STK32A: variants seen among roughly 807,000 people sequenced by gnomAD.
The protein encoded by STK32A is serine/threonine kinase 32A.
STK32A carries 41 observed loss-of-function variants against 53.2 expected under a neutral mutation model. That is an observed-to-expected ratio of 0.77 (90% CI 0.60 to 1.00). The LOEUF is 1.00. Among genes scored for constraint, STK32A ranks in the 50% least tolerant of loss-of-function variants. The pLI is 0.00. For synonymous variants in STK32A, 166 were observed against 162.8 expected (o/e 1.02, Z -0.15); for missense variants, 458 against 485.8 (o/e 0.94, Z 0.54).
At chr5:147,248,144 G>A (rs1002709530) in intron 2 of STK32A, among the ~76,000 whole-genome samples, 10 of 147,516 alleles carry the variant, frequency 6.8e-5, no homozygotes, top group African/African-American at 2.5e-4. Flanking sequence ...AAAAAAAAGT[G>A]TAAAAACCAT....
chr5:147,279,364 C>T lies in STK32A; in HGVS notation c.226C>T (p.Gln76Ter), dbSNP rs1360454104. ...TGTCTTCAAGGAACTCCAGATCATGCAGGGTCTGGAGCACCCTTTCCTGGT... is the reference window on the plus strand; with the variant it reads ...TGTCTTCAAGGAACTCCAGATCATGTAGGGTCTGGAGCACCCTTTCCTGGT... ...RNVFKELQIM[Q>*]GLEHPFLVNL... Residue 76 changes from glutamine (Q) to a stop codon, truncating the protein, a stop_gained, in exon 4 of 13, where the codon CAG (glutamine) becomes TAG (stop). Transcript: ENST00000397936. LOFTEE classifies it high-confidence loss of function. 3 of 1,606,376 alleles carry T rather than the reference C, an allele frequency of 1.9e-6. No homozygotes were observed. The highest frequency in any genetic ancestry group is 2.6e-6 in the Non-Finnish European group (3 of 1,176,228).
chr5:147,296,903 T>C (rs1228849551), intron 4 of STK32A, among the ~76,000 whole-genome samples: 1 of 152,158 alleles, frequency 6.6e-6, no homozygotes, highest in Non-Finnish European at 1.5e-5. Flanking sequence ...ATGACTGACA[T>C]CATTGTGAAG....
intron 5 of STK32A, among the ~76,000 whole-genome samples, chr5:147,336,372 A>G (rs1414267500): frequency 6.6e-6 from 1 of 151,818 alleles, no homozygotes; most frequent in Admixed American, 6.6e-5. Flanking sequence ...CAGCAACTGA[A>G]GTGCTAACTC....
At chr5:147,378,840 CTTTTTTTTTTTTTTTTTTTTTTTTT>C (rs71001434) in intron 11 of STK32A, among the ~76,000 whole-genome samples, 17 of 28,094 alleles carry the variant, frequency 6.1e-4, no homozygotes, top group Admixed American at 1.9e-3. Context: ...TGCCTCCAGT[CTTTTTTTTTTTTTTTTTTTTTTTTT>C]TTTTTTTTTT....
intron 4 of STK32A, among the ~76,000 whole-genome samples, chr5:147,287,172 C>T (rs1300770548): frequency 1.3e-5 from 2 of 152,148 alleles, no homozygotes; most frequent in East Asian, 3.8e-4. Context: ...AAGCTATTTC[C>T]ATAATCCAAG....
intron 4 of STK32A, among the ~76,000 whole-genome samples, chr5:147,279,911 C>G (rs1751970309): frequency 6.6e-6 from 1 of 152,170 alleles, no homozygotes; most frequent in Non-Finnish European, 1.5e-5. Context: ...TCCTGCAGGA[C>G]CCAGGCAACT....
chr5:147,400,740 G>A, the STK32A span: 1 of 1,614,162 alleles, frequency 6.2e-7, no homozygotes, highest in Non-Finnish European at 8.5e-7. Context: ...CACCATTGGT[G>A]CCCTCAGGAA....
chr5:147,323,120 G>C (rs1356599896), intron 4 of STK32A, among the ~76,000 whole-genome samples: 1 of 152,160 alleles, frequency 6.6e-6, no homozygotes, highest in African/African-American at 2.4e-5. Context: ...CATTTGTCAG[G>C]TGTTTAACTT....
chr5:147,399,105 C>A, the STK32A span: 1 of 1,614,134 alleles, frequency 6.2e-7, no homozygotes, highest in Non-Finnish European at 8.5e-7. Context: ...TTGGCAGAGA[C>A]GATCTTCACA....
At chr5:147,275,252 T>C (rs1249317028) in intron 2 of STK32A, among the ~76,000 whole-genome samples, 3 of 152,290 alleles carry the variant, frequency 2.0e-5, no homozygotes, top group African/African-American at 7.2e-5. Context: ...TTCAAGTTAG[T>C]CTTCCTGCTA....
intron 4 of STK32A, among the ~76,000 whole-genome samples, chr5:147,280,451 G>T (rs1752004629): frequency 6.6e-6 from 1 of 151,752 alleles, no homozygotes; most frequent in South Asian, 2.1e-4. Context: ...GTGGTGGAAA[G>T]CACGGTGGGA....
chr5:147,368,731 A>G (rs564814660), intron 8 of STK32A, among the ~76,000 whole-genome samples: 1 of 152,350 alleles, frequency 6.6e-6, no homozygotes, highest in Non-Finnish European at 1.5e-5. Context: ...TTAATAAACC[A>G]ACAGGTCATG....
chr5:147,335,210 G>A (rs770626407), intron 5 of STK32A, among the ~76,000 whole-genome samples: 4 of 152,098 alleles, frequency 2.6e-5, no homozygotes, highest in Non-Finnish European at 5.9e-5. Flanking sequence ...AAATCATTAC[G>A]ACTCTATAAA....
chr5:147,291,690 G>A (rs1481648166), intron 4 of STK32A, among the ~76,000 whole-genome samples: 1 of 152,040 alleles, frequency 6.6e-6, no homozygotes, highest in African/African-American at 2.4e-5. Context: ...TCAAGATTTA[G>A]ATCAAATTGT....
In STK32A at chr5:147,310,573, A is replaced by T. The variant is rs539357467; in HGVS notation, c.261-13325A>T. ...TGCTGAATCACAAGTGGCCATTTCC[A>T]ATCCCATCAGTGACCCAAGCTCTCC... On this transcript the variant is annotated intron_variant, in intron 4 of 12. Transcript: ENST00000397936. Among the ~76,000 whole-genome samples, 26 of 152,242 alleles carry T rather than the reference A, an allele frequency of 1.7e-4. 1 individual carries two copies. The highest frequency in any genetic ancestry group is 5.8e-4 in the African/African-American group (24 of 41,530).
rs1755373810 is a variant in STK32A, at chr5:147,340,950, C to G, written c.435-2056C>G. Among the ~76,000 whole-genome samples the G allele has an allele frequency of 2.0e-5, 3 of 152,014 alleles. No homozygotes were observed. The South Asian group carries it at 6.2e-4, about 32-fold the overall frequency. Reference sequence around the variant, plus strand: ...AGTAATCACATTAAACTAATTGTTCCCTCTCTGATCTCTGTAATATTAAGT... The same window carrying G: ...AGTAATCACATTAAACTAATTGTTCGCTCTCTGATCTCTGTAATATTAAGT... On this transcript the variant is annotated intron_variant, in intron 5 of 12. Transcript: ENST00000397936.
At chr5:147,293,131 T>G (rs1259114232) in intron 4 of STK32A, among the ~76,000 whole-genome samples, 2 of 152,146 alleles carry the variant, frequency 1.3e-5, no homozygotes, top group Admixed American at 1.3e-4. Flanking sequence ...ATGAAGAATC[T>G]AAGTAAAATA....
chr5:147,251,724 G>A (rs371876050), intron 2 of STK32A, among the ~76,000 whole-genome samples: 7 of 152,090 alleles, frequency 4.6e-5, no homozygotes, highest in Non-Finnish European at 8.8e-5. Context: ...CGCTTCTGCC[G>A]TAACTCACAT....
chr5:147,324,883 T>A (rs946625480), intron 5 of STK32A, among the ~76,000 whole-genome samples: 5 of 152,204 alleles, frequency 3.3e-5, no homozygotes, highest in Admixed American at 1.3e-4. Context: ...GGTTGATGAC[T>A]TACTATGTGC....
Sources: allele counts gnomAD v4.1 joint callset (sites outside exome capture counted in the v4.1 genomes callset), GRCh38; gene constraint gnomAD v4.1.1; transcripts MANE v1.5; gene names NCBI Gene and HGNC (gene_info 2026-07-23, HGNC 2026-07-21).